Variants in NOS3 observed in about 807,000 individuals in gnomAD.
The protein encoded by NOS3 is nitric oxide synthase 3.
Under a neutral mutation model 144.9 loss-of-function variants are expected in NOS3, and 98 were observed. That is an observed-to-expected ratio of 0.68 (90% CI 0.57 to 0.80). The LOEUF is 0.80. NOS3 is among the 30% of genes least tolerant of loss of function. The pLI is 0.00. For missense variants in NOS3, 1,465 were observed against 1,656.4 expected (o/e 0.88, Z 2.01); for synonymous variants, 714 against 702.4 (o/e 1.02, Z -0.26).
rs1802290636 is a variant in NOS3 at position 150,993,146 on chromosome 7, A to C, written c.-51-607A>C. On this transcript the variant is annotated intron_variant, in intron 1 of 26. Coordinates refer to ENST00000297494, the MANE Select transcript of NOS3 (RefSeq NM_000603.5). This position sits in a 1 kb window ranked among gnomAD's most constrained non-coding sequence, Gnocchi z 4.0. ...TCATGGGGGTGTGGGGGTTCCAGGAAATTGGGGCTGGGAGGGGAAGGGATA... is the reference window on the plus strand; with the variant it reads ...TCATGGGGGTGTGGGGGTTCCAGGACATTGGGGCTGGGAGGGGAAGGGATA... 6.6e-6 allele frequency among the ~76,000 whole-genome samples: 1 copy of C among 152,134 alleles called. No homozygotes were observed.
chr7:151,008,735 G>A lies in NOS3; in HGVS notation c.2113-195G>A. The A allele has an allele frequency of 5.1e-6, 3 of 588,136 alleles. No individual in the cohort carries two copies. The South Asian group carries it at 7.4e-5, about 14-fold the overall frequency. The allele number at this position is 588,136 out of a possible 1,614,324, so 36.4% of individuals were successfully genotyped here. A position where few individuals can be genotyped will look rare whatever the true frequency, so the allele number is the denominator to read the frequency against. On this transcript the variant is annotated intron_variant, in intron 17 of 26. Transcript: ENST00000297494. The stretch of plus-strand genomic sequence containing the variant: ...GCACCAATCAGGACGTGCAGAGAAA[G>A]AGCCAGCCGGGTCCCTGGGCCCAGC...
In NOS3 at chr7:151,010,606, C is replaced by T. The variant is rs182213442; in HGVS notation, c.2695C>T (p.Arg899Cys). 24 of 1,590,932 alleles carry T rather than the reference C, an allele frequency of 1.5e-5. No homozygotes were observed. The highest frequency in any genetic ancestry group is 1.1e-4 in the East Asian group (5 of 43,812). ...ELEALSQDPR[R>C]YEEWKWFRCP... ...CATCCTGCCCCGCCAGGATCCCCGA[C>T]GCTACGAGGAGTGGAAGTGGTTCCG... The change falls in exon 22 of 27, where the codon CGC (arginine) becomes TGC (cysteine). Residue 899 changes from arginine to cysteine, a missense_variant. Arg to Cys is a radical substitution (Grantham distance 180, BLOSUM62 -3). This residue lies in a region of NOS3 where 745 missense variants were observed against 853.9 expected (regional missense o/e 0.87). Coordinates refer to ENST00000297494, the MANE Select transcript of NOS3 (RefSeq NM_000603.5).
rs1381871488 is a variant in NOS3, at chr7:151,001,228, C to T, written c.1234-3C>T. 2.5e-6 allele frequency: 4 copies of T among 1,612,630 alleles called. No homozygotes were observed. Among genetic ancestry groups the T allele is most frequent in the Non-Finnish European group, 1.7e-6 (2 of 1,179,906 alleles). Reference sequence around the variant, plus strand: ...AGCCTCTCCCCCTCTCTCTCCCTTCCAGCTAGCCAAAGTCACCATCGTGGA... The same window carrying T: ...AGCCTCTCCCCCTCTCTCTCCCTTCTAGCTAGCCAAAGTCACCATCGTGGA... On this transcript the variant is annotated splice_polypyrimidine_tract_variant and splice_region_variant and intron_variant, in intron 10 of 26. Transcript: ENST00000297494.
At chr7:151,012,020 A>G in intron 23 of NOS3, 1 of 308,218 alleles carries the variant, frequency 3.2e-6, no homozygotes, top group South Asian at 2.9e-5. Context: ...CATAAACTAA[A>G]TACCACTATT....
chr7:150,994,648 A>G (rs1189664946), intron 2 of NOS3, among the ~76,000 whole-genome samples: 1 of 152,176 alleles, frequency 6.6e-6, no homozygotes, highest in Non-Finnish European at 1.5e-5. Flanking sequence ...GGCTGCAGGC[A>G]GCTATGCAGG....
Position 151,014,454 on chromosome 7 carries a change from A to T in NOS3, c.*285A>T. The T allele has an allele frequency of 2.2e-6, 1 of 453,382 alleles. No individual in the cohort carries two copies. The highest frequency in any genetic ancestry group is 3.9e-6 in the Non-Finnish European group (1 of 255,560). The allele number at this position is 453,382 out of a possible 1,614,324, so 28.1% of individuals were successfully genotyped here. Reference sequence around the variant, plus strand: ...GCTTCCTGTTTCTTAGTCGAATGTTAGATTCCTCTTGCCTCTCTCAGGAGT... The same window carrying T: ...GCTTCCTGTTTCTTAGTCGAATGTTTGATTCCTCTTGCCTCTCTCAGGAGT... On this transcript the variant is annotated 3_prime_UTR_variant, in exon 27 of 27. Transcript: ENST00000297494.
chr7:151,007,687 G>A (rs1436019664), intron 17 of NOS3, among the ~76,000 whole-genome samples: 1 of 152,260 alleles, frequency 6.6e-6, no homozygotes, highest in South Asian at 2.1e-4. Context: ...GGCCAGCACA[G>A]AAGCCACAGG....
Position 151,012,473 on chromosome 7 carries a change from G to A in NOS3, c.3106+1G>A. 6.2e-7 allele frequency: 1 copy of A among 1,612,140 alleles called. No individual in the cohort carries two copies. Among genetic ancestry groups the A allele is most frequent in the Non-Finnish European group, 8.5e-7 (1 of 1,179,096 alleles). On this transcript the variant is annotated splice_donor_variant, in intron 24 of 26. Transcript: ENST00000297494. LOFTEE classifies it high-confidence loss of function. ...CGGCTGCATGACATTGAGAGCAAAGGTGAGGCTGGGGACTAAAGGACTGCC... is the reference window on the plus strand; with the variant it reads ...CGGCTGCATGACATTGAGAGCAAAGATGAGGCTGGGGACTAAAGGACTGCC...
chr7:151,012,943 T>G, intron 24 of NOS3: 1 of 464,748 alleles, frequency 2.2e-6, no homozygotes, highest in Non-Finnish European at 3.8e-6. Context: ...GGGACTGCGA[T>G]GTCACACAAT....
intron 17 of NOS3, 29 bp downstream of exon 17, chr7:151,007,305 T>A: frequency 1.9e-6 from 3 of 1,567,444 alleles, no homozygotes; most frequent in Non-Finnish European, 2.6e-6. Context: ...CTGCTCTGAC[T>A]CCTGCCCCCT....
Position 150,996,927 on chromosome 7 carries a change from TGCGGCTGGCCA to T in NOS3, c.582+6_582+16del. The T allele has an allele frequency of 1.3e-6, 2 of 1,560,854 alleles. No homozygotes were observed. Among genetic ancestry groups the T allele is most frequent in the Non-Finnish European group, 1.7e-6 (2 of 1,153,406 alleles). On this transcript the variant is annotated splice_donor_5th_base_variant and intron_variant, in intron 5 of 26. Coordinates refer to ENST00000297494, the MANE Select transcript of NOS3 (RefSeq NM_000603.5). ...CGGATCCAGTGGGGGAAGCTGCAGG[TGCGGCTGGCCA>T]GCGACTGAGAGACCCGGGCGCTACC...
At position 150,996,570 on chromosome 7, in the gene NOS3, G is replaced by A. The variant is rs1296281738; in HGVS notation, c.419+18G>A. On this transcript the variant is annotated intron_variant, in intron 4 of 26. Coordinates refer to ENST00000297494, the MANE Select transcript of NOS3 (RefSeq NM_000603.5). ...ATTAAGAGGTGACAGCTTCCCGGAC[G>A]CCACAGCCTCCCTTGTCCCACTGAG... 8 of 1,579,604 alleles carry A rather than the reference G, an allele frequency of 5.1e-6. No individual in the cohort carries two copies. The highest frequency in any genetic ancestry group is 4.5e-5 in the East Asian group (2 of 44,186).
chr7:150,999,306 T>C lies in NOS3; in HGVS notation c.1073T>C (p.Met358Thr), dbSNP rs749950870. 5.0e-6 allele frequency: 8 copies of C among 1,610,022 alleles called. No homozygotes were observed. The African/African-American group carries it at 5.3e-5, about 11-fold the overall frequency. ...FPAAPFSGWY[M>T]STEIGTRNLC... ...GCAGCCCCCTTCAGTGGCTGGTACATGAGCACTGAGATCGGCACGAGGAAC... is the reference window on the plus strand; with the variant it reads ...GCAGCCCCCTTCAGTGGCTGGTACACGAGCACTGAGATCGGCACGAGGAAC... Residue 358 changes from methionine (M) to threonine (T), a missense_variant, in exon 9 of 27, where the codon ATG (methionine) becomes ACG (threonine). By Grantham distance (81) the Met-to-Thr change is moderately conservative. Around this residue, in one of 5 missense-constraint regions of NOS3, gnomAD observed 745 missense variants for 853.9 expected, o/e 0.87. Coordinates refer to ENST00000297494, the MANE Select transcript of NOS3 (RefSeq NM_000603.5).
chr7:150,997,076 C>A (rs1171094454), intron 5 of NOS3, 151 bp downstream of exon 5: 8 of 982,000 alleles, frequency 8.1e-6, no homozygotes, highest in Non-Finnish European at 1.2e-5. Context: ...GGTAGGGGGA[C>A]TGCCCCACCC....
In NOS3 at chr7:150,999,357, T is replaced by C; in HGVS notation, c.1124T>C (p.Ile375Thr). The C allele has an allele frequency of 1.3e-6, 2 of 1,573,578 alleles. No individual in the cohort carries two copies. The highest frequency in any genetic ancestry group is 1.7e-6 in the Non-Finnish European group (2 of 1,157,828). The change falls in exon 9 of 27, where the codon ATC (isoleucine) becomes ACC (threonine). Residue 375 changes from isoleucine (I) to threonine (T), a missense_variant. Physicochemically the swap from Ile to Thr is moderately conservative, Grantham distance 89. Coordinates refer to ENST00000297494, the MANE Select transcript of NOS3 (RefSeq NM_000603.5). ...CTGTGTGACCCTCACCGCTACAACA[T>C]CCTGGAGGTGAGGTGCGGGATGGGG... ...RNLCDPHRYN[I>T]LEDVAVCMDL...
At chr7:151,007,411 T>G in intron 17 of NOS3, 135 bp downstream of exon 17, 3 of 1,003,668 alleles carry the variant, frequency 3.0e-6, no homozygotes, top group Non-Finnish European at 4.3e-6. Flanking sequence ...CTCCATGGCA[T>G]AGCCAGCTCT....
chr7:151,012,528 G>A (rs2117138616), intron 24 of NOS3, 56 bp downstream of exon 24: 3 of 1,570,228 alleles, frequency 1.9e-6, no homozygotes, highest in Middle Eastern at 3.4e-4. Context: ...TAGGGACAGA[G>A]GGGTGGGGCT....
rs1554435872 is a variant in NOS3 at position 151,002,448 on chromosome 7, ACACAC to A, written c.1752+145_1752+149del. The A allele has an allele frequency of 2.1e-6, 1 of 465,988 alleles. No homozygotes were observed. The highest frequency in any genetic ancestry group is 3.9e-6 in the Non-Finnish European group (1 of 257,080). 28.9% of individuals were successfully genotyped at this position (465,988 alleles called of 1,614,324 possible). ...CACACACACACACACACACACACAC[ACACAC>A]GCCAGGATGGAAAGGGAGATGCTAA... On this transcript the variant is annotated intron_variant, in intron 14 of 26. Coordinates refer to ENST00000297494, the MANE Select transcript of NOS3 (RefSeq NM_000603.5). The surrounding 1 kb of genome is among the most constrained non-coding windows in gnomAD (Gnocchi z 4.1).
intron 2 of NOS3, among the ~76,000 whole-genome samples, chr7:150,994,974 G>A (rs953119857): frequency 4.6e-5 from 7 of 152,138 alleles, no homozygotes; most frequent in African/African-American, 1.4e-4. Context: ...ACTTAGCCTC[G>A]GGTCAGGGGC....
Sources: allele counts gnomAD v4.1 joint callset (sites outside exome capture counted in the v4.1 genomes callset), GRCh38; gene constraint gnomAD v4.1.1; regional missense constraint gnomAD v4.1.1; non-coding constraint Gnocchi (gnomAD v3.1); transcripts MANE v1.5; gene names NCBI Gene and HGNC (gene_info 2026-07-23, HGNC 2026-07-21).